CDH23: variants seen among roughly 807,000 people sequenced by gnomAD.
CDH23 encodes the protein cadherin related 23, also known as cadherin-23.
Under a neutral mutation model 317.1 loss-of-function variants are expected in CDH23, and 189 were observed. That is an observed-to-expected ratio of 0.60 (90% CI 0.53 to 0.67). CDH23 has a LOEUF of 0.67. CDH23 is among the 30% of genes least tolerant of loss of function. CDH23 has a pLI of 0.00. For missense variants in CDH23, 4,401 were observed against 4,592.4 expected, an observed-to-expected ratio of 0.96 and a Z score of 1.20; for synonymous variants, 1,839 against 1,876.8, an observed-to-expected ratio of 0.98 and a Z score of 0.52.
chr10:71,418,927 G>A (rs1848636751), intron 1 of CDH23, among the ~76,000 whole-genome samples: 1 of 152,190 alleles, frequency 6.6e-6, no homozygotes, highest in Non-Finnish European at 1.5e-5. Context: ...TCATCAGATG[G>A]CTGTGGGAAC....
At chr10:71,755,560 G>A in intron 38 of CDH23, 1 of 1,187,968 alleles carries the variant, frequency 8.4e-7, no homozygotes, top group Non-Finnish European at 1.2e-6. Flanking sequence ...CCAGGAAGCA[G>A]GAGACCCGCC....
At chr10:71,660,875 T>A (rs937652009) in intron 14 of CDH23, among the ~76,000 whole-genome samples, 4 of 152,210 alleles carry the variant, frequency 2.6e-5, no homozygotes, top group African/African-American at 9.6e-5. Flanking sequence ...CTTAGCCCAA[T>A]GCCTGACACA....
intron 1 of CDH23, among the ~76,000 whole-genome samples, chr10:71,418,289 T>G (rs2131940143): frequency 6.6e-6 from 1 of 152,372 alleles, no homozygotes; most frequent in East Asian, 1.9e-4. Flanking sequence ...CTGTTTCTTT[T>G]CAGGGAAGAT....
Position 71,403,603 on chromosome 10 carries a change from G to A in CDH23, c.-6+6285G>A, listed in dbSNP as rs1251201986. 2.7e-5 allele frequency among the ~76,000 whole-genome samples: 4 copies of A among 146,462 alleles called. No homozygotes were observed. In the South Asian group the frequency reaches 6.8e-4, roughly 25 times the overall value. ...GCAATCTCAGCTTACTGCAACCTCCGCCTCCCGGATTCAAGTGATTCTCCT... is the reference window on the plus strand; with the variant it reads ...GCAATCTCAGCTTACTGCAACCTCCACCTCCCGGATTCAAGTGATTCTCCT... On this transcript the variant is annotated intron_variant, in intron 1 of 69. Transcript: ENST00000224721.
chr10:71,630,363 G>A (rs988591271), intron 11 of CDH23, among the ~76,000 whole-genome samples: 3 of 152,144 alleles, frequency 2.0e-5, no homozygotes, highest in Admixed American at 2.0e-4. Flanking sequence ...CAGGGGTGGG[G>A]GTGGGTGAAT....
chr10:71,694,027 T>C (rs1865281244), intron 20 of CDH23, 120 bp from the exon 21 acceptor site: 1 of 803,886 alleles, frequency 1.2e-6, no homozygotes, highest in Admixed American at 2.0e-5. Flanking sequence ...TCATGGTAGC[T>C]TGCTAACATT....
At chr10:71,635,913 C>T (rs1862246916) in intron 11 of CDH23, among the ~76,000 whole-genome samples, 1 of 151,992 alleles carries the variant, frequency 6.6e-6, no homozygotes, top group South Asian at 2.1e-4. Flanking sequence ...CCCACTGTGT[C>T]CCCACATGGC....
At chr10:71,661,623 G>A (rs1863653907) in intron 14 of CDH23, among the ~76,000 whole-genome samples, 1 of 152,098 alleles carries the variant, frequency 6.6e-6, no homozygotes, top group Non-Finnish European at 1.5e-5. Flanking sequence ...GATAACTGGG[G>A]TGGGGTGGGC....
At chr10:71,729,299 G>T (rs1866956198) in intron 30 of CDH23, among the ~76,000 whole-genome samples, 1 of 152,338 alleles carries the variant, frequency 6.6e-6, no homozygotes, top group East Asian at 1.9e-4. Context: ...CTGAGACAAG[G>T]ATTGGTGTGA....
chr10:71,634,462 G>A (rs1862167190), intron 11 of CDH23, among the ~76,000 whole-genome samples: 1 of 152,260 alleles, frequency 6.6e-6, no homozygotes, highest in South Asian at 2.1e-4. Flanking sequence ...GTAGAGTGAT[G>A]AGGTTCAAAT....
intron 1 of CDH23, among the ~76,000 whole-genome samples, chr10:71,428,746 G>C (rs1013400118): frequency 6.6e-6 from 1 of 152,114 alleles, no homozygotes; most frequent in Non-Finnish European, 1.5e-5. Context: ...ACGCCACCAA[G>C]TTGGGCTAAT....
intron 60 of CDH23, among the ~76,000 whole-genome samples, 179 bp from the exon 61 acceptor site, chr10:71,809,641 A>G (rs574482302): frequency 1.4e-4 from 22 of 152,252 alleles, no homozygotes; most frequent in African/African-American, 5.3e-4. Context: ...GACCCGAGCC[A>G]TTTCCACTTC....
At chr10:71,762,429 C>T (rs1055669486) in intron 38 of CDH23, among the ~76,000 whole-genome samples, 5 of 152,240 alleles carry the variant, frequency 3.3e-5, no homozygotes, top group African/African-American at 1.2e-4. Flanking sequence ...CACCTCTGCC[C>T]CTTCCTACTC....
At chr10:71,426,119 G>A (rs1488356076) in intron 1 of CDH23, among the ~76,000 whole-genome samples, 1 of 152,174 alleles carries the variant, frequency 6.6e-6, no homozygotes, top group East Asian at 1.9e-4. Flanking sequence ...TTAGCCGGTG[G>A]AAGTTGAACA....
chr10:71,612,288 G>GT (rs1372576907), intron 9 of CDH23, among the ~76,000 whole-genome samples: 1 of 151,948 alleles, frequency 6.6e-6, no homozygotes, highest in Non-Finnish European at 1.5e-5. Context: ...AATGTGGACT[G>GT]TGTGGGGGGT....
At chr10:71,527,412 G>C (rs186491065) in intron 6 of CDH23, among the ~76,000 whole-genome samples, 1 of 152,244 alleles carries the variant, frequency 6.6e-6, no homozygotes, top group Non-Finnish European at 1.5e-5. Context: ...TTGCCAGGTC[G>C]ACGCAGCACA....
At chr10:71,745,794 A>C (rs1475315527) in intron 38 of CDH23, among the ~76,000 whole-genome samples, 1 of 152,188 alleles carries the variant, frequency 6.6e-6, no homozygotes, top group Non-Finnish European at 1.5e-5. Flanking sequence ...GAGCAACCAG[A>C]GACCTGAGCA....
chr10:71,530,230 T>TC lies in CDH23; in HGVS notation c.429+19020dup, dbSNP rs537658591. ...CAGCCAGGCTTTCCTTACACAGGACTCCACTGGCATGTAACAAGCCCTCCT... is the reference window on the plus strand; with the variant it reads ...CAGCCAGGCTTTCCTTACACAGGACTCCCACTGGCATGTAACAAGCCCTCCT... On this transcript the variant is annotated intron_variant, in intron 6 of 69. Coordinates refer to ENST00000224721, the MANE Select transcript of CDH23 (RefSeq NM_022124.6). Among the ~76,000 whole-genome samples, 24 of 152,278 alleles carry TC rather than the reference T, an allele frequency of 1.6e-4. No individual in the cohort carries two copies. The South Asian group carries it at 4.3e-3, about 28-fold the overall frequency.
At chr10:71,546,501 C>T (rs1160559204) in intron 6 of CDH23, among the ~76,000 whole-genome samples, 1 of 152,190 alleles carries the variant, frequency 6.6e-6, no homozygotes, top group East Asian at 1.9e-4. Flanking sequence ...ACAGAAGGGG[C>T]ACCCAACCCA....
Sources: gnomAD v4.1 joint callset for allele counts (sites outside exome capture counted in the v4.1 genomes callset) on GRCh38, gnomAD v4.1.1 for gene constraint, MANE v1.5 for transcripts, NCBI Gene and HGNC (gene_info 2026-07-23, HGNC 2026-07-21) for gene names.